RYR2: variants seen among roughly 807,000 people sequenced by gnomAD.
RYR2 encodes cardiac muscle ryanodine receptor-calcium release channel.
RYR2 carries 227 observed loss-of-function variants against 601.1 expected under a neutral mutation model. The ratio of observed to expected loss-of-function variants is 0.38; its 90% CI spans 0.34 to 0.42. The LOEUF (loss-of-function observed/expected upper bound fraction) is 0.42, where lower values mean the gene tolerates loss of function less well. Ranked by LOEUF, RYR2 falls within the 10% of genes least tolerant of loss-of-function variation. The pLI is 1.00. For missense variants in RYR2, 4,646 were observed against 6,156.5 expected, an observed-to-expected ratio of 0.75 and a Z score of 8.21; for synonymous variants, 2,223 against 2,175.1, an observed-to-expected ratio of 1.02 and a Z score of -0.61.
intron 1 of RYR2, among the ~76,000 whole-genome samples, chr1:237,193,474 A>G (rs1680234294): frequency 1.3e-5 from 2 of 152,092 alleles, no homozygotes; most frequent in Non-Finnish European, 2.9e-5. Flanking sequence ...ACAAACAAAA[A>G]TATCTTGAAT....
chr1:237,491,185 C>T (rs1003824689), intron 17 of RYR2, among the ~76,000 whole-genome samples: 1 of 151,726 alleles, frequency 6.6e-6, no homozygotes, highest in African/African-American at 2.4e-5. Context: ...ATTTTTAATC[C>T]CGTTTTATAC....
chr1:237,284,757 A>C (rs916887309), intron 2 of RYR2, among the ~76,000 whole-genome samples: 1 of 150,836 alleles, frequency 6.6e-6, no homozygotes, highest in Non-Finnish European at 1.5e-5. Flanking sequence ...GAAGATGGGC[A>C]TTTTTTTATT....
At chr1:237,503,593 A>G in intron 22 of RYR2, 88 bp downstream of exon 22, 1 of 1,250,954 alleles carries the variant, frequency 8.0e-7, no homozygotes, top group African/African-American at 1.5e-5. Context: ...ACCCATAGGA[A>G]CGAATTTCAC....
intron 1 of RYR2, among the ~76,000 whole-genome samples, chr1:237,251,908 T>C (rs1007300008): frequency 2.6e-4 from 40 of 152,178 alleles, no homozygotes; most frequent in African/African-American, 9.7e-4. Context: ...TAAACCCTTC[T>C]AATTATTCTT....
chr1:237,656,016 A>T (rs753223893), intron 53 of RYR2, 32 bp downstream of exon 53: 1 of 1,602,198 alleles, frequency 6.2e-7, no homozygotes, highest in Non-Finnish European at 8.5e-7. Context: ...GCAGATTTTT[A>T]TTGTAAATGA....
chr1:237,775,192 A>G (rs1473729713), intron 87 of RYR2, among the ~76,000 whole-genome samples: 1 of 151,876 alleles, frequency 6.6e-6, no homozygotes, highest in Admixed American at 6.6e-5. Context: ...TAATTTTAGT[A>G]TTCAGAAAAG....
rs1299326957 is a variant in RYR2 at position 237,180,884 on chromosome 1, TA to T, written c.49-89611del. On this transcript the variant is annotated intron_variant, in intron 1 of 104. Transcript: ENST00000366574. This position sits in a 1 kb window ranked among gnomAD's most constrained non-coding sequence, Gnocchi z 5.3. ...TACTAATTAAATATATTTGATTATA[TA>T]ATTATAACAATAAATATATAACTAA... Among the ~76,000 whole-genome samples, 3 of 148,584 alleles carry T rather than the reference TA, an allele frequency of 2.0e-5. No individual in the cohort carries two copies. The highest frequency in any genetic ancestry group is 4.9e-5 in the African/African-American group (2 of 40,864).
intron 47 of RYR2, among the ~76,000 whole-genome samples, chr1:237,641,471 G>GTCTTTCTTTCTTTCTTTCTT (rs796832994): frequency 2.3e-4 from 25 of 108,706 alleles, no homozygotes; most frequent in East Asian, 1.1e-3. Context: ...GTGTCTGTCT[G>GTCTTTCTTTCTTTCTTTCTT]TCTTTCTTTC....
chr1:237,709,449 G>A (rs1297333091), intron 69 of RYR2, 31 bp from the exon 70 acceptor site: 4 of 1,408,994 alleles, frequency 2.8e-6, no homozygotes, highest in Non-Finnish European at 1.0e-6. Context: ...AGGAGTAGCT[G>A]AGAAACCACT....
chr1:237,253,150 C>T (rs1439855160), intron 1 of RYR2, among the ~76,000 whole-genome samples: 9 of 121,592 alleles, frequency 7.4e-5, no homozygotes, highest in Admixed American at 3.0e-4. Context: ...GGCAACAGAG[C>T]GAGACTCCGT....
At chr1:237,459,339 G>C (rs1382584) in intron 16 of RYR2, among the ~76,000 whole-genome samples, 1 of 151,956 alleles carries the variant, frequency 6.6e-6, no homozygotes, top group Non-Finnish European at 1.5e-5. Context: ...AGTCCCAGCT[G>C]CGTGGGGGGC....
intron 1 of RYR2, among the ~76,000 whole-genome samples, chr1:237,044,961 T>C (rs1377434004): frequency 2.6e-5 from 4 of 151,030 alleles, no homozygotes; most frequent in South Asian, 2.1e-4. Context: ...TTCTTCTTTT[T>C]TTTTTTTTTT....
At chr1:237,816,744 T>TG (rs983064692) in intron 100 of RYR2, among the ~76,000 whole-genome samples, 2 of 151,696 alleles carry the variant, frequency 1.3e-5, no homozygotes, top group African/African-American at 4.8e-5. Context: ...AAGTAAGAAA[T>TG]GTGTGGTAAA....
At position 237,773,653 on chromosome 1, in the gene RYR2, A is replaced by G. The variant is rs1057523038; in HGVS notation, c.11775+5A>G. 1.2e-6 allele frequency: 2 copies of G among 1,610,292 alleles called. No homozygotes were observed. The highest frequency in any genetic ancestry group is 1.7e-6 in the Non-Finnish European group (2 of 1,177,624). ...ACTCTTACAGAGTATATTCAGGTAA[A>G]CATTTAAACATGGCTGCTATCTGTA... On this transcript the variant is annotated splice_donor_5th_base_variant and intron_variant, in intron 87 of 104. Coordinates refer to ENST00000366574, the MANE Select transcript of RYR2 (RefSeq NM_001035.3).
rs1688595422 is a variant in RYR2 at position 237,708,895 on chromosome 1, G to C, written c.9939G>C (p.Gln3313His). The part of the protein sequence containing the change: ...SQPIINKVKP[Q>H]LLKTHFLPLM... ...CTATAATAAATAAAGTGAAACCTCA[G>C]CTCTTGAAAACTCATTTCTTGCCGT... The change falls in exon 69 of 105, where the codon CAG (glutamine) becomes CAC (histidine). Residue 3313 changes from glutamine to histidine, a missense_variant. Gln to His is a conservative substitution (Grantham distance 24). Transcript: ENST00000366574. 1 of 1,611,594 alleles carries C rather than the reference G, an allele frequency of 6.2e-7. No individual in the cohort carries two copies. The highest frequency in any genetic ancestry group is 8.5e-7 in the Non-Finnish European group (1 of 1,178,330).
At chr1:237,184,725 A>T (rs1572132073) in intron 1 of RYR2, among the ~76,000 whole-genome samples, 1 of 152,222 alleles carries the variant, frequency 6.6e-6, no homozygotes, top group East Asian at 1.9e-4. Context: ...AATATTTATC[A>T]GATGATAATG....
intron 94 of RYR2, among the ~76,000 whole-genome samples, chr1:237,792,675 G>A (rs1242868992): frequency 6.6e-6 from 1 of 152,098 alleles, no homozygotes. Flanking sequence ...GTCTGCCCTG[G>A]GAAGGGGCTA....
chr1:237,082,887 C>G (rs1157266016), intron 1 of RYR2, among the ~76,000 whole-genome samples: 1 of 152,078 alleles, frequency 6.6e-6, no homozygotes, highest in African/African-American at 2.4e-5. Flanking sequence ...TTATAAAATA[C>G]TAGAGAAATC....
Position 237,496,583 on chromosome 1 carries a change from G to A in RYR2, c.2034G>A (p.Met678Ile). The change falls in exon 20 of 105, where the codon ATG becomes ATA. Residue 678 changes from methionine (M) to isoleucine (I), a missense_variant. Met to Ile is a conservative substitution (Grantham distance 10, BLOSUM62 1). This residue lies in a region of RYR2 where 1,807 missense variants were observed against 2,088.1 expected (regional missense o/e 0.87). Transcript: ENST00000366574. ...AQYKKWYYEL[M>I]VDHTEPFVTA... ...ATAAGAAATGGTACTATGAATTGAT[G>A]GTGGACCACACAGAGCCCTTTGTGA... 6.2e-7 allele frequency: 1 copy of A among 1,613,950 alleles called. No homozygotes were observed. Among genetic ancestry groups the A allele is most frequent in the Non-Finnish European group, 8.5e-7 (1 of 1,179,878 alleles).
Sources: gnomAD v4.1 joint callset for allele counts (sites outside exome capture counted in the v4.1 genomes callset) on GRCh38, gnomAD v4.1.1 for gene constraint, gnomAD v4.1.1 regional missense constraint, Gnocchi (gnomAD v3.1) non-coding constraint, MANE v1.5 for transcripts, NCBI Gene and HGNC (gene_info 2026-07-23, HGNC 2026-07-21) for gene names.